Variants in OR13G1 observed in about 807,000 individuals in gnomAD.
The protein encoded by OR13G1 is olfactory receptor 13G1.
For missense variants in OR13G1, 369 were observed against 385.7 expected (o/e 0.96, Z 0.36); for synonymous variants, 128 against 136.2 (o/e 0.94, Z 0.42).
intron 1 of OR13G1, among the ~76,000 whole-genome samples, chr1:247,676,009 T>C (rs1285620852): frequency 6.6e-6 from 1 of 152,238 alleles, no homozygotes; most frequent in East Asian, 1.9e-4. Context: ...GCTTAGATTT[T>C]CTATTGATCA....
At position 247,671,867 on chromosome 1, in the gene OR13G1, T is replaced by C. The variant is rs1269051952; in HGVS notation, c.*251A>G. Reference sequence around the variant, plus strand: ...GCATATATAAGTATTCGAAGTTATGTACATATTTTTGGAAAATGTTGGAAT... The same window carrying C: ...GCATATATAAGTATTCGAAGTTATGCACATATTTTTGGAAAATGTTGGAAT... On this transcript the variant is annotated 3_prime_UTR_variant, in exon 2 of 2. Transcript: ENST00000642119. 2 of 472,096 alleles carry C rather than the reference T, an allele frequency of 4.2e-6. No individual in the cohort carries two copies. The highest frequency in any genetic ancestry group is 4.0e-5 in the South Asian group (1 of 25,300). 29.2% of individuals were successfully genotyped at this position (472,096 alleles called of 1,614,324 possible).
At position 247,675,249 on chromosome 1, in the gene OR13G1, G is replaced by GT. The variant is rs113641946; in HGVS notation, c.-238-1971dup. Among the ~76,000 whole-genome samples the GT allele has an allele frequency of 5.9e-3, 847 of 144,068 alleles. 10 individuals carry two copies. Among genetic ancestry groups the GT allele is most frequent in the African/African-American group, 0.017 (676 of 39,440 alleles). The allele number at this position is 144,068 out of a possible 152,430, so 94.5% of individuals were successfully genotyped here. A position where few individuals can be genotyped will look rare whatever the true frequency, so the allele number is the denominator to read the frequency against. On this transcript the variant is annotated intron_variant, in intron 1 of 1. Coordinates refer to ENST00000642119, the MANE Select transcript of OR13G1 (RefSeq NM_001005487.2). ...TTTCATTGTTGAAGAAAAAAGCTTT[G>GT]TTTTTTTTTTTCTTGGAGAACTGTC...
intron 1 of OR13G1, among the ~76,000 whole-genome samples, chr1:247,677,803 A>G (rs1659378993): frequency 6.6e-6 from 1 of 152,156 alleles, no homozygotes; most frequent in Admixed American, 6.5e-5. Context: ...AATCATGAGG[A>G]TAAGTTTAAG....
At chr1:247,678,343 G>A (rs1290214992) in intron 1 of OR13G1, among the ~76,000 whole-genome samples, 2 of 152,044 alleles carry the variant, frequency 1.3e-5, no homozygotes, top group South Asian at 2.1e-4. Flanking sequence ...CATCATCTCC[G>A]TCTTCAAGTA....
intron 1 of OR13G1, among the ~76,000 whole-genome samples, chr1:247,679,380 A>T (rs1297483794): frequency 6.6e-6 from 1 of 152,060 alleles, no homozygotes; most frequent in East Asian, 1.9e-4. Context: ...GAAAGGAAAA[A>T]TTTTGAAAGG....
At chr1:247,675,929 CT>C (rs1324643329) in intron 1 of OR13G1, among the ~76,000 whole-genome samples, 1 of 152,162 alleles carries the variant, frequency 6.6e-6, no homozygotes, top group Non-Finnish European at 1.5e-5. Context: ...CCATTTACTC[CT>C]GGCCGTGTCC....
In OR13G1 at chr1:247,674,112, G is replaced by A. The variant is rs1330555494; in HGVS notation, c.-238-833C>T. Among the ~76,000 whole-genome samples the A allele has an allele frequency of 3.3e-5, 5 of 152,240 alleles. No individual in the cohort carries two copies. The East Asian group carries it at 7.7e-4, about 24-fold the overall frequency. ...TGGTCTCAAACTCCTGACCTCAAGA[G>A]ATCCTCCTGCCTTGACCTCCCAAAC... On this transcript the variant is annotated intron_variant, in intron 1 of 1. Transcript: ENST00000642119.
At chr1:247,673,665 T>C (rs997476964) in intron 1 of OR13G1, among the ~76,000 whole-genome samples, 1 of 152,228 alleles carries the variant, frequency 6.6e-6, no homozygotes, top group Admixed American at 6.5e-5. Flanking sequence ...TTTAATCAAA[T>C]GTCTGTATTA....
chr1:247,676,007 T>A (rs997901141), intron 1 of OR13G1, among the ~76,000 whole-genome samples: 2 of 152,204 alleles, frequency 1.3e-5, no homozygotes, highest in African/African-American at 4.8e-5. Context: ...TAGCTTAGAT[T>A]TTCTATTGAT....
In OR13G1 at chr1:247,673,291, G is replaced by A; in HGVS notation, c.-238-12C>T. 4.5e-6 allele frequency: 2 copies of A among 443,732 alleles called. No homozygotes were observed. The highest frequency in any genetic ancestry group is 8.0e-6 in the Non-Finnish European group (2 of 251,432). The allele number at this position is 443,732 out of a possible 1,614,324, so 27.5% of individuals were successfully genotyped here. A position where few individuals can be genotyped will look rare whatever the true frequency, so the allele number is the denominator to read the frequency against. ...ATTGATGACTCAAACTGAAGCCAGTGGTTGAGAAGAAAAATATTTTCAAAA... is the reference window on the plus strand; with the variant it reads ...ATTGATGACTCAAACTGAAGCCAGTAGTTGAGAAGAAAAATATTTTCAAAA... On this transcript the variant is annotated splice_polypyrimidine_tract_variant and intron_variant, in intron 1 of 1. Transcript: ENST00000642119.
Position 247,672,070 on chromosome 1 carries a change from C to G in OR13G1, c.*48G>C. 2.7e-6 allele frequency: 4 copies of G among 1,467,576 alleles called. No individual in the cohort carries two copies. The highest frequency in any genetic ancestry group is 3.7e-6 in the Non-Finnish European group (4 of 1,074,782). 90.9% of individuals were successfully genotyped at this position (1,467,576 alleles called of 1,614,324 possible). A position where few individuals can be genotyped will look rare whatever the true frequency, so the allele number is the denominator to read the frequency against. ...AAAAACCAGTAAAATCTGAGATGCT[C>G]TAGAAGATGGTTCTGGAGTACAGAA... On this transcript the variant is annotated 3_prime_UTR_variant, in exon 2 of 2. Transcript: ENST00000642119.
chr1:247,674,428 T>C (rs3911804), intron 1 of OR13G1, among the ~76,000 whole-genome samples: 50,404 of 152,056 alleles, frequency 0.33, 8,327 homozygotes, highest in East Asian at 0.4. Context: ...CTAGTCTGTT[T>C]TGCTCTCTCA....
intron 1 of OR13G1, among the ~76,000 whole-genome samples, chr1:247,676,976 TG>T (rs1275988401): frequency 1.3e-5 from 2 of 152,140 alleles, no homozygotes; most frequent in East Asian, 3.9e-4. Flanking sequence ...CCAATAAAAC[TG>T]GCCTGGTGTG....
chr1:247,673,134 G>T lies in OR13G1; in HGVS notation c.-93C>A. Reference sequence around the variant, plus strand: ...GTTGTTAGGAGATAACATGAGGAGTGTGTGTACTTAGGGACTTAATTCTTG... The same window carrying T: ...GTTGTTAGGAGATAACATGAGGAGTTTGTGTACTTAGGGACTTAATTCTTG... On this transcript the variant is annotated 5_prime_UTR_variant, in exon 2 of 2. Transcript: ENST00000642119. The T allele has an allele frequency of 2.1e-6, 2 of 970,640 alleles. No individual in the cohort carries two copies. The highest frequency in any genetic ancestry group is 3.1e-6 in the Non-Finnish European group (2 of 648,490). The allele number at this position is 970,640 out of a possible 1,614,324, so 60.1% of individuals were successfully genotyped here. A position where few individuals can be genotyped will look rare whatever the true frequency, so the allele number is the denominator to read the frequency against.
chr1:247,678,557 C>T (rs1151633), intron 1 of OR13G1, among the ~76,000 whole-genome samples: 1 of 151,862 alleles, frequency 6.6e-6, no homozygotes, highest in South Asian at 2.1e-4. Flanking sequence ...GGTAGGGCTA[C>T]GTCAGAGGTG....
rs1158727184 is a variant in OR13G1, at chr1:247,672,136, A to G, written c.906T>C (p.Phe302=). 1.1e-5 allele frequency: 18 copies of G among 1,613,330 alleles called. No homozygotes were observed. Among genetic ancestry groups the G allele is most frequent in the Non-Finnish European group, 1.4e-5 (16 of 1,179,614 alleles). The change falls in exon 2 of 2, where the codon TTT becomes TTC. Residue 302 remains phenylalanine (F), a synonymous_variant. Transcript: ENST00000642119. The part of the protein sequence containing the change: ...REMQAGIRKV[F]AFLKH ...GAAACTACTAGTGTTTCAGAAATGC[A>G]AACACCTTCCTAATTCCTGCCTGCA...
At chr1:247,678,819 C>T (rs1161134165) in intron 1 of OR13G1, among the ~76,000 whole-genome samples, 1 of 152,088 alleles carries the variant, frequency 6.6e-6, no homozygotes, top group Non-Finnish European at 1.5e-5. Flanking sequence ...GATAATCAAC[C>T]ACTTGGTTAG....
intron 1 of OR13G1, among the ~76,000 whole-genome samples, chr1:247,674,235 G>A (rs772447529): frequency 7.2e-5 from 11 of 152,098 alleles, no homozygotes; most frequent in Non-Finnish European, 1.6e-4. Context: ...ACAGTTACAC[G>A]AATTCATGGC....
At chr1:247,674,674 T>C (rs1014438900) in intron 1 of OR13G1, among the ~76,000 whole-genome samples, 1 of 152,152 alleles carries the variant, frequency 6.6e-6, no homozygotes, top group African/African-American at 2.4e-5. Flanking sequence ...TACAATTTTG[T>C]CCTCACAAGC....
Sources: gnomAD v4.1 joint callset for allele counts (sites outside exome capture counted in the v4.1 genomes callset) on GRCh38, gnomAD v4.1.1 for gene constraint, MANE v1.5 for transcripts, NCBI Gene and HGNC (gene_info 2026-07-23, HGNC 2026-07-21) for gene names.